The following RAD51B variants were observed in gnomAD, a reference collection of about 807,000 sequenced individuals.
RAD51B encodes RAD51 paralog B.
RAD51B carries 38 observed loss-of-function variants against 42.2 expected under a neutral mutation model. That is an observed-to-expected ratio of 0.90 (90% CI 0.70 to 1.18). RAD51B has a LOEUF of 1.18. Among genes scored for constraint, RAD51B ranks in the 50% most tolerant of loss-of-function variants. RAD51B has a pLI of 0.00. For missense variants in RAD51B, 373 were observed against 400.7 expected (o/e 0.93, Z 0.59); for synonymous variants, 154 against 145.2 (o/e 1.06, Z -0.43).
chr14:68,030,238 T>C (rs2076020395), intron 7 of RAD51B, among the ~76,000 whole-genome samples: 1 of 152,224 alleles, frequency 6.6e-6, no homozygotes, highest in South Asian at 2.1e-4. Context: ...TTTTGTAGCT[T>C]TGTAGCCAGG....
At chr14:68,639,093 C>A (rs570181215) in intron 10 of RAD51B, among the ~76,000 whole-genome samples, 4 of 151,394 alleles carry the variant, frequency 2.6e-5, no homozygotes, top group Admixed American at 2.0e-4. Flanking sequence ...TAGGGTGGAG[C>A]TTCCTTGGGG....
At chr14:68,074,123 C>T (rs2076796812) in intron 7 of RAD51B, among the ~76,000 whole-genome samples, 1 of 152,138 alleles carries the variant, frequency 6.6e-6, no homozygotes, top group South Asian at 2.1e-4. Context: ...ATATGTTTTT[C>T]AAGTTGCTTG....
At chr14:68,504,454 CT>C (rs923938122) in intron 10 of RAD51B, among the ~76,000 whole-genome samples, 1 of 152,160 alleles carries the variant, frequency 6.6e-6, no homozygotes, top group African/African-American at 2.4e-5. Flanking sequence ...GAAGCCTGAG[CT>C]GGACCACTCA....
chr14:67,942,212 C>T (rs1379157486), intron 7 of RAD51B, among the ~76,000 whole-genome samples: 2 of 152,146 alleles, frequency 1.3e-5, no homozygotes, highest in East Asian at 3.9e-4. Flanking sequence ...AAATATGAGG[C>T]AGTGTGCTTG....
intron 7 of RAD51B, among the ~76,000 whole-genome samples, chr14:67,959,460 G>T (rs1203031633): frequency 3.3e-5 from 5 of 151,968 alleles, no homozygotes; most frequent in Non-Finnish European, 7.4e-5. Flanking sequence ...TGTTAGCCAG[G>T]ATGGTCTCGA....
chr14:67,999,222 C>A (rs994647710), intron 7 of RAD51B, among the ~76,000 whole-genome samples: 1 of 152,012 alleles, frequency 6.6e-6, no homozygotes. Context: ...TACAGTAGGA[C>A]AGATCTGGTA....
At chr14:68,235,635 C>T (rs1486971576) in intron 7 of RAD51B, among the ~76,000 whole-genome samples, 102 of 127,078 alleles carry the variant, frequency 8.0e-4, no homozygotes, top group Non-Finnish European at 1.3e-3. Context: ...ACCCGGGAGG[C>T]GGAGCTTGCA....
At chr14:68,347,954 T>C (rs144519155) in intron 8 of RAD51B, among the ~76,000 whole-genome samples, 2 of 152,284 alleles carry the variant, frequency 1.3e-5, no homozygotes, top group African/African-American at 4.8e-5. Flanking sequence ...ATGAATTTGC[T>C]GAATATTCCA....
At chr14:67,948,891 C>T (rs985732209) in intron 7 of RAD51B, among the ~76,000 whole-genome samples, 12 of 133,900 alleles carry the variant, frequency 9.0e-5, no homozygotes, top group Admixed American at 7.4e-4. Context: ...GAGATCACGC[C>T]GCTGCATTCC....
intron 7 of RAD51B, among the ~76,000 whole-genome samples, chr14:68,265,694 A>G (rs978947065): frequency 1.3e-5 from 2 of 152,150 alleles, no homozygotes; most frequent in African/African-American, 4.8e-5. Context: ...GGAGGTTGCA[A>G]TGAGCTGAGA....
At chr14:68,470,690 GTTTCA>G (rs1206584118) in intron 10 of RAD51B, 2 of 435,984 alleles carry the variant, frequency 4.6e-6, no homozygotes, top group African/African-American at 4.0e-5. Flanking sequence ...CACACATATT[GTTTCA>G]TTTCATAAAA....
At chr14:68,646,291 G>T (rs887000860) in intron 10 of RAD51B, among the ~76,000 whole-genome samples, 7 of 152,120 alleles carry the variant, frequency 4.6e-5, no homozygotes, top group African/African-American at 1.7e-4. Context: ...ATAAACAAAA[G>T]TTTGCTTCTT....
intron 7 of RAD51B, among the ~76,000 whole-genome samples, chr14:68,101,899 C>A (rs116728521): frequency 1.3e-5 from 2 of 152,368 alleles, no homozygotes; most frequent in African/African-American, 4.8e-5. Context: ...TCCACCTCTA[C>A]ATTAGACTTC....
intron 8 of RAD51B, among the ~76,000 whole-genome samples, chr14:68,368,997 C>T (rs1399411390): frequency 6.6e-6 from 1 of 152,086 alleles, no homozygotes. Flanking sequence ...GGGTTTTCCC[C>T]CATCTGTGTA....
chr14:68,393,825 C>A (rs1162436093), intron 8 of RAD51B, among the ~76,000 whole-genome samples: 2 of 152,068 alleles, frequency 1.3e-5, no homozygotes, highest in African/African-American at 4.8e-5. Context: ...TTTTTGGGGC[C>A]CTGAAATGTG....
chr14:68,001,880 AT>A (rs979591793), intron 7 of RAD51B, among the ~76,000 whole-genome samples: 1 of 151,922 alleles, frequency 6.6e-6, no homozygotes, highest in Non-Finnish European at 1.5e-5. Flanking sequence ...CATGGTCTCA[AT>A]TTTTTTATGG....
At chr14:68,535,450 C>T (rs17105794) in intron 10 of RAD51B, among the ~76,000 whole-genome samples, 4,935 of 150,276 alleles carry the variant, frequency 0.033, 102 homozygotes, top group Admixed American at 0.056. Flanking sequence ...ATTCCCATTC[C>T]GACACCTGGC....
chr14:68,342,454 A>C (rs1284491840), intron 8 of RAD51B, among the ~76,000 whole-genome samples: 2 of 152,196 alleles, frequency 1.3e-5, no homozygotes, highest in Non-Finnish European at 2.9e-5. Context: ...CACTTCGCAC[A>C]TTCAGATATT....
At chr14:68,332,292 G>C (rs1408658596) in intron 8 of RAD51B, among the ~76,000 whole-genome samples, 1 of 151,872 alleles carries the variant, frequency 6.6e-6, no homozygotes, top group Non-Finnish European at 1.5e-5. Context: ...AAACACAAAT[G>C]AGATACACAC....
Sources: gnomAD v4.1 joint callset for allele counts (sites outside exome capture counted in the v4.1 genomes callset) on GRCh38, gnomAD v4.1.1 for gene constraint, MANE v1.5 for transcripts, NCBI Gene and HGNC (gene_info 2026-07-23, HGNC 2026-07-21) for gene names.